ZC3H7B: variants seen among roughly 807,000 people sequenced by gnomAD.
ZC3H7B encodes zinc finger CCCH domain-containing protein 7B.
ZC3H7B carries 35 observed loss-of-function variants against 116.0 expected under a neutral mutation model. That is an observed-to-expected ratio of 0.30 (90% CI 0.23 to 0.40). The LOEUF (loss-of-function observed/expected upper bound fraction) is 0.40. Ranked by LOEUF, ZC3H7B falls within the 10% of genes least tolerant of loss-of-function variation. The pLI is 1.00. For missense variants in ZC3H7B, 1,011 were observed against 1,321.5 expected, an observed-to-expected ratio of 0.77 and a Z score of 3.64; for synonymous variants, 502 against 545.6, an observed-to-expected ratio of 0.92 and a Z score of 1.11.
chr22:41,340,956 T>C, intron 10 of ZC3H7B, 132 bp from the exon 11 acceptor site: 1 of 781,362 alleles, frequency 1.3e-6, no homozygotes, highest in Non-Finnish European at 2.0e-6. Context: ...GAGTCAGGGG[T>C]TCAGCAGGAG....
intron 1 of ZC3H7B, among the ~76,000 whole-genome samples, chr22:41,307,812 A>C (rs2036065348): frequency 6.6e-6 from 1 of 152,202 alleles, no homozygotes; most frequent in African/African-American, 2.4e-5. Flanking sequence ...TTCTGAGATC[A>C]CACAGCTGAG....
At chr22:41,315,844 C>T (rs889694640) in intron 1 of ZC3H7B, among the ~76,000 whole-genome samples, 1 of 152,120 alleles carries the variant, frequency 6.6e-6, no homozygotes, top group Non-Finnish European at 1.5e-5. Context: ...TAGGCCCTAT[C>T]TTCAGATATA....
At chr22:41,339,559 G>A (rs553233570) in intron 9 of ZC3H7B, among the ~76,000 whole-genome samples, 1 of 151,484 alleles carries the variant, frequency 6.6e-6, no homozygotes, top group Non-Finnish European at 1.5e-5. Context: ...CCGGGAGGCG[G>A]AGGTTGCAGT....
At chr22:41,334,027 G>T (rs574060403) in intron 7 of ZC3H7B, 2 of 152,392 alleles carry the variant, frequency 1.3e-5, no homozygotes, top group South Asian at 4.1e-4. Flanking sequence ...AGGCCCTGAG[G>T]CCTGGAGGAG....
chr22:41,343,345 C>T, intron 12 of ZC3H7B, 70 bp from the exon 13 acceptor site: 1 of 1,545,308 alleles, frequency 6.5e-7, no homozygotes, highest in Non-Finnish European at 8.8e-7. Context: ...CTACCCACCG[C>T]ATGGGCCTGC....
In ZC3H7B at chr22:41,327,488, A is replaced by G; in HGVS notation, c.444+124A>G. ...TCACTTCCTCCCCTGTGACATGGCC[A>G]TGCAGATCCTGATGTTAACACTAGC... On this transcript the variant is annotated intron_variant, in intron 5 of 22. Transcript: ENST00000352645. The surrounding 1 kb of genome is among the most constrained non-coding windows in gnomAD (Gnocchi z 4.5). The G allele has an allele frequency of 7.7e-7, 1 of 1,305,322 alleles. No homozygotes were observed. Among genetic ancestry groups the G allele is most frequent in the Non-Finnish European group, 1.0e-6 (1 of 955,236 alleles). 80.9% of individuals were successfully genotyped at this position (1,305,322 alleles called of 1,614,324 possible).
At chr22:41,311,068 C>CTTTT (rs747090159) in intron 1 of ZC3H7B, among the ~76,000 whole-genome samples, 1 of 132,138 alleles carries the variant, frequency 7.6e-6, no homozygotes, top group African/African-American at 2.8e-5. Context: ...CCCAGCCTCA[C>CTTTT]TTTTTTTTTT....
rs1433338741 is a variant in ZC3H7B at position 41,360,044 on chromosome 22, A to T, written c.*2615A>T. On this transcript the variant is annotated 3_prime_UTR_variant, in exon 23 of 23. Transcript: ENST00000352645. Reference sequence around the variant, plus strand: ...ATTCATAAGGTCTAGTATCTTGATAATAATGTAGATGTTTTAATAACAATT... The same window carrying T: ...ATTCATAAGGTCTAGTATCTTGATATTAATGTAGATGTTTTAATAACAATT... 1 of 152,494 alleles carries T rather than the reference A, an allele frequency of 6.6e-6. No individual in the cohort carries two copies. Among genetic ancestry groups the T allele is most frequent in the African/African-American group, 2.4e-5 (1 of 41,430 alleles). 9.4% of individuals were successfully genotyped at this position (152,494 alleles called of 1,614,324 possible).
In ZC3H7B at chr22:41,348,168, G is replaced by C. The variant is rs1484708442; in HGVS notation, c.1766+1G>C. 1 of 1,613,498 alleles carries C rather than the reference G, an allele frequency of 6.2e-7. No homozygotes were observed. Among genetic ancestry groups the C allele is most frequent in the Non-Finnish European group, 8.5e-7 (1 of 1,179,656 alleles). On this transcript the variant is annotated splice_donor_variant, in intron 15 of 22. Transcript: ENST00000352645. LOFTEE classifies it high-confidence loss of function. ...CCAAGCACAGCTTCTACAACAACAA[G>C]TGAGTGGGACCCTCAGCCCAGGCTG... is the stretch of plus-strand genomic sequence containing the variant.
At chr22:41,342,460 G>A in intron 11 of ZC3H7B, 69 bp from the exon 12 acceptor site, 1 of 1,487,760 alleles carries the variant, frequency 6.7e-7, no homozygotes, top group Non-Finnish European at 9.3e-7. Context: ...CACTTCTGGT[G>A]CCCTGGCTGG....
chr22:41,306,876 G>A (rs973940691), intron 1 of ZC3H7B, among the ~76,000 whole-genome samples: 1 of 152,106 alleles, frequency 6.6e-6, no homozygotes, highest in Non-Finnish European at 1.5e-5. Context: ...AGACAGCAGC[G>A]GGTGGAGGTG....
chr22:41,342,393 G>A (rs975315655), intron 11 of ZC3H7B, 136 bp from the exon 12 acceptor site: 6 of 690,360 alleles, frequency 8.7e-6, no homozygotes, highest in Non-Finnish European at 1.5e-5. Flanking sequence ...GGAAGAGGAA[G>A]GGTCCTGGGC....
At position 41,357,488 on chromosome 22, in the gene ZC3H7B, G is replaced by C; in HGVS notation, c.*59G>C. On this transcript the variant is annotated 3_prime_UTR_variant, in exon 23 of 23. Transcript: ENST00000352645. The surrounding 1 kb of genome is among the most constrained non-coding windows in gnomAD (Gnocchi z 5.4). ...TCAGGGGGTGGGGTGGGGCCAGAAG[G>C]CCTGATAGAAGGGTCAGGGCAGGCC... 1 of 1,354,574 alleles carries C rather than the reference G, an allele frequency of 7.4e-7. No individual in the cohort carries two copies. Among genetic ancestry groups the C allele is most frequent in the Admixed American group, 1.8e-5 (1 of 56,500 alleles). The allele number at this position is 1,354,574 out of a possible 1,614,324, so 83.9% of individuals were successfully genotyped here.
In ZC3H7B at chr22:41,325,506, C is replaced by T. The variant is rs534641526; in HGVS notation, c.54-58C>T. ...CTGAGTTGGAGGAGTAGCTCTGGAC[C>T]TCCATGAAGCTGGGACCGCCGGGCT... On this transcript the variant is annotated intron_variant, in intron 2 of 22. Transcript: ENST00000352645. 1.2e-5 allele frequency: 19 copies of T among 1,577,988 alleles called. No individual in the cohort carries two copies. In the African/African-American group the frequency reaches 2.0e-4, roughly 17 times the overall value.
chr22:41,352,839 A>T (rs1485030082), intron 17 of ZC3H7B, among the ~76,000 whole-genome samples: 1 of 151,842 alleles, frequency 6.6e-6, no homozygotes, highest in Non-Finnish European at 1.5e-5. Flanking sequence ...GCACTTTGGG[A>T]GGCTGAGGTG....
intron 1 of ZC3H7B, among the ~76,000 whole-genome samples, chr22:41,315,645 T>G (rs1457008727): frequency 1.3e-5 from 2 of 152,144 alleles, no homozygotes; most frequent in Non-Finnish European, 2.9e-5. Flanking sequence ...CCTGTTTGAT[T>G]TTTGGTGAGG....
In ZC3H7B at chr22:41,338,627, C is replaced by T. The variant is rs2036475325; in HGVS notation, c.625+272C>T. Among the ~76,000 whole-genome samples, 1 of 152,196 alleles carries T rather than the reference C, an allele frequency of 6.6e-6. No individual in the cohort carries two copies. Among genetic ancestry groups the T allele is most frequent in the Non-Finnish European group, 1.5e-5 (1 of 68,028 alleles). ...TTCACTCCTGGCTGCCTGCACACCCCCACCTCTTCCAAAGCCCTTTCCCCT... is the reference window on the plus strand; with the variant it reads ...TTCACTCCTGGCTGCCTGCACACCCTCACCTCTTCCAAAGCCCTTTCCCCT... On this transcript the variant is annotated intron_variant, in intron 8 of 22. Transcript: ENST00000352645. This position sits in a 1 kb window ranked among gnomAD's most constrained non-coding sequence, Gnocchi z 4.5.
intron 11 of ZC3H7B, among the ~76,000 whole-genome samples, chr22:41,342,130 C>T (rs1281039939): frequency 6.6e-6 from 1 of 152,108 alleles, no homozygotes; most frequent in Non-Finnish European, 1.5e-5. Flanking sequence ...GGGAATTTCC[C>T]TAACCTCTCT....
rs1375777732 is a variant in ZC3H7B at position 41,302,074 on chromosome 22, C to A, written c.-7+302C>A. Among the ~76,000 whole-genome samples the A allele has an allele frequency of 6.6e-6, 1 of 152,088 alleles. No homozygotes were observed. The highest frequency in any genetic ancestry group is 2.1e-4 in the South Asian group (1 of 4,832). On this transcript the variant is annotated intron_variant, in intron 1 of 22. Coordinates refer to ENST00000352645, the MANE Select transcript of ZC3H7B (RefSeq NM_017590.6). This position sits in a 1 kb window ranked among gnomAD's most constrained non-coding sequence, Gnocchi z 5.7. ...CCTGGCGCTGGGGAGACTTGGCCGCCCCTGCAGCCCCCAGGAGGTGTCTTG... is the reference window on the plus strand; with the variant it reads ...CCTGGCGCTGGGGAGACTTGGCCGCACCTGCAGCCCCCAGGAGGTGTCTTG...
Sources: allele counts gnomAD v4.1 joint callset (sites outside exome capture counted in the v4.1 genomes callset), GRCh38; gene constraint gnomAD v4.1.1; non-coding constraint Gnocchi (gnomAD v3.1); transcripts MANE v1.5; gene names NCBI Gene and HGNC (gene_info 2026-07-23, HGNC 2026-07-21).